Variants in BAG2 observed in about 807,000 individuals in gnomAD.
BAG2 encodes the protein BAG family molecular chaperone regulator 2.
BAG2 carries 8 observed loss-of-function variants against 16.4 expected under a neutral mutation model. That is an observed-to-expected ratio of 0.49 (90% CI 0.29 to 0.88). The LOEUF is 0.88. BAG2 is among the 40% of genes least tolerant of loss of function. The probability of loss-of-function intolerance (pLI) is 0.09; values close to 1 mark genes in which losing one functional copy is unlikely to be tolerated. For synonymous variants in BAG2, 82 were observed against 89.2 expected, an observed-to-expected ratio of 0.92 and a Z score of 0.46; for missense variants, 218 against 248.9, an observed-to-expected ratio of 0.88 and a Z score of 0.84.
At chr6:57,174,365 T>A in intron 1 of BAG2, 1 of 1,304,262 alleles carries the variant, frequency 7.7e-7, no homozygotes, top group Non-Finnish European at 1.0e-6. Flanking sequence ...TGAGTCATTG[T>A]CCTCCAACTT....
At position 57,187,237 on chromosome 6, in the gene BAG2, A is replaced by C. The variant is rs374911374; in HGVS notation, c.*3047A>C. The C allele has an allele frequency of 3.9e-5, 6 of 152,216 alleles. No homozygotes were observed. The highest frequency in any genetic ancestry group is 5.9e-5 in the Non-Finnish European group (4 of 68,028). The allele number at this position is 152,216 out of a possible 1,614,324, so 9.4% of individuals were successfully genotyped here. A position where few individuals can be genotyped will look rare whatever the true frequency, so the allele number is the denominator to read the frequency against. The stretch of plus-strand genomic sequence containing the variant: ...ACCATTTACTAACATCCTACTGTAG[A>C]TATTTCGAGAGACAGATGAAAATAA... On this transcript the variant is annotated 3_prime_UTR_variant, in exon 3 of 3. Coordinates refer to ENST00000370693, the MANE Select transcript of BAG2 (RefSeq NM_004282.4).
rs1041444899 is a variant in BAG2 at position 57,184,803 on chromosome 6, C to T, written c.*613C>T. The T allele has an allele frequency of 2.0e-5, 3 of 152,548 alleles. No homozygotes were observed. The highest frequency in any genetic ancestry group is 4.4e-5 in the Non-Finnish European group (3 of 68,022). The allele number at this position is 152,548 out of a possible 1,614,324, so 9.4% of individuals were successfully genotyped here. On this transcript the variant is annotated 3_prime_UTR_variant, in exon 3 of 3. Transcript: ENST00000370693. ...TGTGAGAAAACCACCTATAATTTAC[C>T]ACTGTGAACAATTATATATCTATCT... is the stretch of plus-strand genomic sequence containing the variant.
At chr6:57,176,376 AAATGATATATGGATG>A (rs1328763489) in intron 1 of BAG2, among the ~76,000 whole-genome samples, 2 of 152,220 alleles carry the variant, frequency 1.3e-5, no homozygotes, top group Non-Finnish European at 2.9e-5. Flanking sequence ...CAAAATATAG[AAATGATATATGGATG>A]AATAGATGAG....
At chr6:57,175,075 C>CT (rs1764238939) in intron 1 of BAG2, among the ~76,000 whole-genome samples, 2 of 151,826 alleles carry the variant, frequency 1.3e-5, no homozygotes, top group Non-Finnish European at 2.9e-5. Flanking sequence ...TACAGTAGCC[C>CT]TTTTTTTTGG....
At chr6:57,180,014 T>C (rs1187018651) in intron 1 of BAG2, among the ~76,000 whole-genome samples, 1 of 149,022 alleles carries the variant, frequency 6.7e-6, no homozygotes, top group Non-Finnish European at 1.5e-5. Context: ...GCAGATGATA[T>C]GGATATGATT....
At chr6:57,181,096 A>G (rs868642980) in intron 1 of BAG2, among the ~76,000 whole-genome samples, 5 of 152,304 alleles carry the variant, frequency 3.3e-5, no homozygotes, top group Middle Eastern at 6.8e-3. Context: ...GTTGGTAGGG[A>G]TATGGGGACC....
In BAG2 at chr6:57,188,954, T is replaced by C. The variant is rs911579920; in HGVS notation, c.*4764T>C. On this transcript the variant is annotated 3_prime_UTR_variant, in exon 3 of 3. Transcript: ENST00000370693. ...AACACAAAAGGAGTACATAAAACAT[T>C]GTTTAGTACAAATAATGAAAAATGA... 1 of 152,048 alleles carries C rather than the reference T, an allele frequency of 6.6e-6. No homozygotes were observed. Among genetic ancestry groups the C allele is most frequent in the Non-Finnish European group, 1.5e-5 (1 of 67,966 alleles). 9.4% of individuals were successfully genotyped at this position (152,048 alleles called of 1,614,324 possible).
At chr6:57,177,608 T>C (rs1353038796) in intron 1 of BAG2, among the ~76,000 whole-genome samples, 2 of 152,114 alleles carry the variant, frequency 1.3e-5, no homozygotes, top group Non-Finnish European at 2.9e-5. Context: ...TTATACATAT[T>C]AACTTGTGTG....
chr6:57,173,256 T>C (rs983556648), intron 1 of BAG2: 9 of 985,940 alleles, frequency 9.1e-6, no homozygotes, highest in Non-Finnish European at 1.1e-5. Context: ...CAGTTTACAG[T>C]GGCCCTCCAC....
At position 57,183,950 on chromosome 6, in the gene BAG2, G is replaced by T. The variant is rs1207709002; in HGVS notation, c.396G>T (p.Lys132Asn). ...TTCTGGATGATTTGGGAAATGCCAA[G>T]AGTCATTTAATGTCGCTCTACAGTG... The part of the protein sequence containing the change: ...NKFLDDLGNA[K>N]SHLMSLYSAC... The change falls in exon 3 of 3, where the codon AAG becomes AAT. Residue 132 changes from lysine (K) to asparagine (N), a missense_variant. Coordinates refer to ENST00000370693, the MANE Select transcript of BAG2 (RefSeq NM_004282.4). 6 of 1,614,022 alleles carry T rather than the reference G, an allele frequency of 3.7e-6. No homozygotes were observed. Among genetic ancestry groups the T allele is most frequent in the Non-Finnish European group, 5.1e-6 (6 of 1,179,956 alleles).
intron 1 of BAG2, chr6:57,174,499 G>A (rs768125149): frequency 7.8e-6 from 7 of 891,730 alleles, no homozygotes; most frequent in Non-Finnish European, 1.1e-5. Context: ...AATTCTGATT[G>A]CACATCAGTG....
chr6:57,180,539 T>C (rs1415369723), intron 1 of BAG2, among the ~76,000 whole-genome samples: 4 of 151,944 alleles, frequency 2.6e-5, no homozygotes, highest in Non-Finnish European at 5.9e-5. Flanking sequence ...ATACATTCGC[T>C]AGGGGAAAGA....
intron 1 of BAG2, among the ~76,000 whole-genome samples, chr6:57,181,739 AAAAAT>A (rs1247133811): frequency 2.6e-5 from 4 of 152,212 alleles, no homozygotes. Flanking sequence ...TGCTAAGTGA[AAAAAT>A]AAAAACAGAA....
Position 57,172,363 on chromosome 6 carries a change from C to T in BAG2, c.-335C>T, listed in dbSNP as rs2127991490. On this transcript the variant is annotated 5_prime_UTR_variant, in exon 1 of 3. Transcript: ENST00000370693. ...AGCCACATTAGGCGCTCGGTCTCTGCGTCCGCCCCTCCCGTGCCTCAGAGA... is the reference window on the plus strand; with the variant it reads ...AGCCACATTAGGCGCTCGGTCTCTGTGTCCGCCCCTCCCGTGCCTCAGAGA... 1.7e-5 allele frequency: 3 copies of T among 174,124 alleles called. No homozygotes were observed. Among genetic ancestry groups the T allele is most frequent in the Non-Finnish European group, 3.6e-5 (3 of 82,874 alleles). The allele number at this position is 174,124 out of a possible 1,614,324, so 10.8% of individuals were successfully genotyped here.
intron 1 of BAG2, among the ~76,000 whole-genome samples, chr6:57,181,449 T>C (rs1764440560): frequency 6.6e-6 from 1 of 152,178 alleles, no homozygotes; most frequent in African/African-American, 2.4e-5. Flanking sequence ...CCCAGCACTT[T>C]GGGAGGCTGC....
chr6:57,181,392 T>C (rs1488539962), intron 1 of BAG2, among the ~76,000 whole-genome samples: 1 of 152,140 alleles, frequency 6.6e-6, no homozygotes, highest in African/African-American at 2.4e-5. Flanking sequence ...CAGCAACTGA[T>C]TAGAAGTACA....
rs768219977 is a variant in BAG2, at chr6:57,184,381, A to G, written c.*191A>G. On this transcript the variant is annotated 3_prime_UTR_variant, in exon 3 of 3. Transcript: ENST00000370693. Reference sequence around the variant, plus strand: ...AAAACTAGCAATATTTTAATTATCTATCTAGAGATTTTTTAGATTGAATTC... The same window carrying G: ...AAAACTAGCAATATTTTAATTATCTGTCTAGAGATTTTTTAGATTGAATTC... 4.3e-6 allele frequency: 2 copies of G among 463,628 alleles called. No homozygotes were observed. Among genetic ancestry groups the G allele is most frequent in the African/African-American group, 4.0e-5 (2 of 49,546 alleles). The allele number at this position is 463,628 out of a possible 1,614,324, so 28.7% of individuals were successfully genotyped here.
chr6:57,174,340 C>T (rs569097926), intron 1 of BAG2: 3 of 1,304,150 alleles, frequency 2.3e-6, no homozygotes, highest in South Asian at 1.2e-5. Context: ...TACTCCACTC[C>T]GCCTTCCTTC....
chr6:57,175,923 A>G (rs1764272249), intron 1 of BAG2, among the ~76,000 whole-genome samples: 1 of 152,206 alleles, frequency 6.6e-6, no homozygotes, highest in Non-Finnish European at 1.5e-5. Flanking sequence ...GTTGGTCAGA[A>G]GTTCTGGAGG....
Sources: allele counts gnomAD v4.1 joint callset (sites outside exome capture counted in the v4.1 genomes callset), GRCh38; gene constraint gnomAD v4.1.1; transcripts MANE v1.5; gene names NCBI Gene and HGNC (gene_info 2026-07-23, HGNC 2026-07-21).